CLVS1: variants seen among roughly 807,000 people sequenced by gnomAD.
CLVS1 encodes the protein clavesin-1.
A neutral mutation model predicts 33.1 loss-of-function variants in CLVS1; 10 were observed. The observed-to-expected ratio is 0.30, with a 90% confidence interval of 0.19 to 0.51. The LOEUF (loss-of-function observed/expected upper bound fraction) is 0.51. Among genes scored for constraint, CLVS1 ranks in the 20% least tolerant of loss-of-function variants. The probability of loss-of-function intolerance (pLI) is 0.97; values close to 1 mark genes in which losing one functional copy is unlikely to be tolerated. For synonymous variants in CLVS1, 163 were observed against 166.1 expected (o/e 0.98, Z 0.14); for missense variants, 343 against 433.4 (o/e 0.79, Z 1.85).
chr8:60,998,399 C>T, the CLVS1 span, among the ~76,000 whole-genome samples: 195 of 152,180 alleles, frequency 1.3e-3, no homozygotes, highest in Admixed American at 2.9e-3. Flanking sequence ...CCGGAATACC[C>T]GACTTAAGTT....
chr8:61,179,484 A>C (rs1418562103), intron 2 of CLVS1, among the ~76,000 whole-genome samples: 1 of 152,230 alleles, frequency 6.6e-6, no homozygotes, highest in Non-Finnish European at 1.5e-5. Context: ...GCTCTGGATA[A>C]AGTCGACTTA....
chr8:61,477,394 C>A (rs1309527021), intron 5 of CLVS1, among the ~76,000 whole-genome samples: 2 of 152,152 alleles, frequency 1.3e-5, no homozygotes, highest in African/African-American at 4.8e-5. Flanking sequence ...CTCCTTGTAC[C>A]TCTGGTAGAA....
At chr8:61,032,064 T>C in the CLVS1 span, among the ~76,000 whole-genome samples, 2 of 152,210 alleles carry the variant, frequency 1.3e-5, no homozygotes, top group African/African-American at 4.8e-5. Flanking sequence ...GAGTGTTAGA[T>C]GGCAGTGTGG....
chr8:61,151,970 C>G (rs1806546899), intron 2 of CLVS1, among the ~76,000 whole-genome samples: 1 of 152,172 alleles, frequency 6.6e-6, no homozygotes, highest in Non-Finnish European at 1.5e-5. Context: ...TTCTCTCCAC[C>G]TGCTGGGCAT....
At chr8:61,341,343 A>G (rs1812022363) in intron 2 of CLVS1, among the ~76,000 whole-genome samples, 1 of 152,206 alleles carries the variant, frequency 6.6e-6, no homozygotes, top group South Asian at 2.1e-4. Context: ...CCACAAATGA[A>G]TGGAGGCATT....
At chr8:61,079,998 G>A (rs879631181) in intron 1 of CLVS1, among the ~76,000 whole-genome samples, 1 of 152,198 alleles carries the variant, frequency 6.6e-6, no homozygotes, top group African/African-American at 2.4e-5. Flanking sequence ...CTAAAGAGGT[G>A]GAGGAAGAAA....
intron 2 of CLVS1, among the ~76,000 whole-genome samples, chr8:61,353,258 G>C (rs893294156): frequency 2.0e-5 from 3 of 151,956 alleles, no homozygotes; most frequent in Non-Finnish European, 4.4e-5. Flanking sequence ...TTTTTAAAGT[G>C]CCTGTGGAAC....
chr8:61,115,165 C>T (rs918984385), intron 1 of CLVS1, among the ~76,000 whole-genome samples: 3 of 152,152 alleles, frequency 2.0e-5, no homozygotes, highest in Non-Finnish European at 4.4e-5. Context: ...CTGCTACTTA[C>T]CACATACAAC....
Position 61,180,046 on chromosome 8 carries a change from C to T in CLVS1, c.-152+48186C>T, listed in dbSNP as rs369785071. Among the ~76,000 whole-genome samples the T allele has an allele frequency of 6.8e-4, 103 of 151,878 alleles. No individual in the cohort carries two copies. In the South Asian group the frequency reaches 0.019, roughly 28 times the overall value. ...AAACCCTCCAAAAAATCAATGAATC[C>T]GGGAGCTGGTTTTTTGAAAAAATTA... is the stretch of plus-strand genomic sequence containing the variant. On this transcript the variant is annotated intron_variant, in intron 2 of 2. Coordinates refer to the CLVS1 transcript ENST00000522621.
At chr8:61,043,985 T>G in the CLVS1 span, among the ~76,000 whole-genome samples, 1 of 152,200 alleles carries the variant, frequency 6.6e-6, no homozygotes, top group Non-Finnish European at 1.5e-5. Flanking sequence ...GATGCATAAT[T>G]GTTAGCTCTT....
At chr8:61,159,155 C>T (rs111996115) in intron 2 of CLVS1, among the ~76,000 whole-genome samples, 36 of 152,242 alleles carry the variant, frequency 2.4e-4, no homozygotes, top group African/African-American at 6.3e-4. Context: ...TTGATTACAG[C>T]GATGAGCCAT....
chr8:61,104,945 C>T (rs1805508328), intron 1 of CLVS1, among the ~76,000 whole-genome samples: 1 of 152,190 alleles, frequency 6.6e-6, no homozygotes, highest in African/African-American at 2.4e-5. Context: ...TCTCCTGCCT[C>T]AGCCTCCCAA....
intron 5 of CLVS1, among the ~76,000 whole-genome samples, chr8:61,484,300 C>T (rs966503795): frequency 2.6e-5 from 4 of 152,086 alleles, no homozygotes; most frequent in Admixed American, 6.6e-5. Flanking sequence ...ACACCAATAA[C>T]AGACAAACAG....
Position 61,325,287 on chromosome 8 carries a change from T to TCACAATGTATACGTATATCAAATTA in CLVS1, c.455+25006_455+25030dup, listed in dbSNP as rs1359848128. Among the ~76,000 whole-genome samples the TCACAATGTATACGTATATCAAATTA allele has an allele frequency of 5.9e-5, 9 of 152,266 alleles. No individual in the cohort carries two copies. In the South Asian group the frequency reaches 1.7e-3, roughly 28 times the overall value. ...AGGTAACTTGATTGTGGTAATCATT[T>TCACAATGTATACGTATATCAAATTA]CACAATGTATACGTATATCAAATTA... On this transcript the variant is annotated intron_variant, in intron 2 of 5. Coordinates refer to ENST00000325897, the MANE Select transcript of CLVS1 (RefSeq NM_173519.3).
chr8:61,452,979 T>TA (rs1817015786), intron 3 of CLVS1, among the ~76,000 whole-genome samples: 1 of 151,196 alleles, frequency 6.6e-6, no homozygotes, highest in Non-Finnish European at 1.5e-5. Flanking sequence ...TCCTTGTTAC[T>TA]AAAAACGACC....
At chr8:61,015,615 C>T in the CLVS1 span, among the ~76,000 whole-genome samples, 1 of 152,166 alleles carries the variant, frequency 6.6e-6, no homozygotes, top group Admixed American at 6.5e-5. Context: ...AGAGCTTCAC[C>T]ATCCTGAACA....
chr8:60,995,707 G>A, the CLVS1 span, among the ~76,000 whole-genome samples: 327 of 152,238 alleles, frequency 2.1e-3, no homozygotes, highest in African/African-American at 6.5e-3. Flanking sequence ...AAAGACACAC[G>A]CACACGTATG....
intron 5 of CLVS1, among the ~76,000 whole-genome samples, chr8:61,468,076 T>A (rs1563566601): frequency 6.6e-6 from 1 of 151,366 alleles, no homozygotes; most frequent in Non-Finnish European, 1.5e-5. Flanking sequence ...AGATTTAATT[T>A]AAATTTTAAT....
At chr8:61,279,792 G>T (rs1214175302) in intron 2 of CLVS1, among the ~76,000 whole-genome samples, 1 of 152,156 alleles carries the variant, frequency 6.6e-6, no homozygotes, top group Non-Finnish European at 1.5e-5. Flanking sequence ...TTAAAACCTA[G>T]TAAATATTTT....
Sources: allele counts gnomAD v4.1 joint callset (sites outside exome capture counted in the v4.1 genomes callset), GRCh38; gene constraint gnomAD v4.1.1; transcripts MANE v1.5; gene names NCBI Gene and HGNC (gene_info 2026-07-23, HGNC 2026-07-21).